The following TBC1D31 variants were observed in gnomAD, a reference collection of about 807,000 sequenced individuals.
TBC1D31 encodes the protein TBC1 domain family member 31.
In TBC1D31, 99 loss-of-function variants were observed where a neutral mutation model predicts 132.9. The observed-to-expected ratio is 0.74, with a 90% CI of 0.63 to 0.88. The LOEUF is 0.88. TBC1D31 is among the 40% of genes least tolerant of loss of function. The pLI, the probability that TBC1D31 is intolerant of heterozygous loss-of-function variation, is 0.00. For synonymous variants in TBC1D31, 385 were observed against 419.4 expected (o/e 0.92, Z 1.00); for missense variants, 1,134 against 1,256.6 (o/e 0.90, Z 1.48).
chr8:123,095,005 CT>C (rs1425467059), intron 5 of TBC1D31, among the ~76,000 whole-genome samples: 5 of 151,324 alleles, frequency 3.3e-5, no homozygotes, highest in Admixed American at 1.3e-4. Flanking sequence ...ATATATTCGT[CT>C]TTTTTTTTCC....
intron 4 of TBC1D31, among the ~76,000 whole-genome samples, chr8:123,092,875 G>GGT (rs1479778425): frequency 3.4e-5 from 5 of 147,406 alleles, no homozygotes; most frequent in Non-Finnish European, 7.4e-5. Context: ...GCGGTGGCGG[G>GGT]GTCTTGGCTC....
the TBC1D31 span, among the ~76,000 whole-genome samples, chr8:123,158,619 G>A: frequency 2.6e-5 from 4 of 152,156 alleles, no homozygotes; most frequent in Non-Finnish European, 5.9e-5. Context: ...AAAATATTGG[G>A]GGTGGAATTT....
intron 20 of TBC1D31, among the ~76,000 whole-genome samples, chr8:123,148,218 A>T (rs1405877798): frequency 2.0e-5 from 3 of 152,212 alleles, no homozygotes; most frequent in African/African-American, 7.2e-5. Context: ...AGATCTAATA[A>T]TAGTAATAAT....
chr8:123,124,773 C>CAAA (rs71310659), intron 11 of TBC1D31, among the ~76,000 whole-genome samples: 12,168 of 131,366 alleles, frequency 0.093, 611 homozygotes, highest in Admixed American at 0.17. Context: ...ACTGAAAATA[C>CAAA]AAAAAAAAAA....
At chr8:123,078,373 T>C (rs1586543807) in intron 2 of TBC1D31, among the ~76,000 whole-genome samples, 1 of 152,284 alleles carries the variant, frequency 6.6e-6, no homozygotes, top group Middle Eastern at 3.4e-3. Context: ...TGGTATTGTA[T>C]TGGAATTAGA....
intron 8 of TBC1D31, among the ~76,000 whole-genome samples, chr8:123,107,361 A>G (rs1010778395): frequency 6.6e-6 from 1 of 151,698 alleles, no homozygotes; most frequent in Non-Finnish European, 1.5e-5. Flanking sequence ...CCCCCATCAC[A>G]TTTTTCTCCC....
chr8:123,131,571 T>C (rs867317592), intron 16 of TBC1D31, among the ~76,000 whole-genome samples: 4 of 152,144 alleles, frequency 2.6e-5, no homozygotes, highest in African/African-American at 9.7e-5. Flanking sequence ...TCTCTTTTTG[T>C]GGTTGTATAA....
intron 10 of TBC1D31, among the ~76,000 whole-genome samples, chr8:123,111,988 C>T (rs1277519184): frequency 6.6e-6 from 1 of 152,100 alleles, no homozygotes; most frequent in Non-Finnish European, 1.5e-5. Context: ...CAAGTAGCTG[C>T]TACAGGTATG....
chr8:123,147,196 C>T (rs1273923874), intron 20 of TBC1D31, among the ~76,000 whole-genome samples: 5 of 150,908 alleles, frequency 3.3e-5, no homozygotes, highest in Admixed American at 6.6e-5. Context: ...TTTTTTGAGA[C>T]GGAGTCTCGC....
At chr8:123,141,314 A>G (rs1280636207) in intron 18 of TBC1D31, among the ~76,000 whole-genome samples, 2 of 152,238 alleles carry the variant, frequency 1.3e-5, no homozygotes, top group Non-Finnish European at 2.9e-5. Flanking sequence ...CCTGCATGGT[A>G]TGTAAGCCAG....
chr8:123,095,184 A>C (rs890870244), intron 5 of TBC1D31, among the ~76,000 whole-genome samples: 1 of 152,162 alleles, frequency 6.6e-6, no homozygotes, highest in Non-Finnish European at 1.5e-5. Context: ...GCTTGATCTG[A>C]TTTAAGGACA....
chr8:123,084,570 G>A (rs910742710), intron 4 of TBC1D31, among the ~76,000 whole-genome samples: 2 of 152,146 alleles, frequency 1.3e-5, no homozygotes, highest in South Asian at 2.1e-4. Flanking sequence ...GTCCTAAGGC[G>A]AAAGTTATTT....
At chr8:123,072,920 G>C in intron 1 of TBC1D31, 74 bp downstream of exon 1, 1 of 1,448,102 alleles carries the variant, frequency 6.9e-7, no homozygotes, top group South Asian at 1.2e-5. Flanking sequence ...CGGGCGTCAG[G>C]CAGCGTTCCG....
chr8:123,132,401 GT>G (rs1382900172), intron 16 of TBC1D31, among the ~76,000 whole-genome samples: 9 of 95,180 alleles, frequency 9.5e-5, no homozygotes, highest in Admixed American at 5.1e-4. Flanking sequence ...TATTTTTTAA[GT>G]CTTTTTTTTT....
At chr8:123,126,291 A>G (rs1435777061) in intron 12 of TBC1D31, 102 bp downstream of exon 12, 3 of 1,389,016 alleles carry the variant, frequency 2.2e-6, no homozygotes, top group African/African-American at 2.9e-5. Flanking sequence ...TAAAAAGCAT[A>G]CTACATGTTG....
chr8:123,090,860 G>A (rs1246767773), intron 4 of TBC1D31, among the ~76,000 whole-genome samples: 4 of 152,082 alleles, frequency 2.6e-5, no homozygotes, highest in African/African-American at 7.2e-5. Flanking sequence ...GCTGAGGCAC[G>A]AGGATTGCTT....
chr8:123,160,556 T>G, the TBC1D31 span, among the ~76,000 whole-genome samples: 1 of 151,668 alleles, frequency 6.6e-6, no homozygotes, highest in Non-Finnish European at 1.5e-5. Flanking sequence ...TTGGGCCCAC[T>G]CTCCCGGCGA....
chr8:123,075,111 G>T (rs1353507759), intron 1 of TBC1D31: 2 of 152,114 alleles, frequency 1.3e-5, no homozygotes, highest in East Asian at 3.8e-4. Flanking sequence ...GTGTAATTTT[G>T]TAGCCAGAAC....
At chr8:123,108,997 C>A (rs115616855) in intron 8 of TBC1D31, among the ~76,000 whole-genome samples, 1 of 152,160 alleles carries the variant, frequency 6.6e-6, no homozygotes, top group Non-Finnish European at 1.5e-5. Flanking sequence ...GTCCATCCTT[C>A]AACACGTGGG....
Sources: allele counts gnomAD v4.1 joint callset (sites outside exome capture counted in the v4.1 genomes callset), GRCh38; gene constraint gnomAD v4.1.1; transcripts MANE v1.5; gene names NCBI Gene and HGNC (gene_info 2026-07-23, HGNC 2026-07-21).